Variants in NDUFB6 observed in about 807,000 individuals in gnomAD.
The protein encoded by NDUFB6 is NADH dehydrogenase [ubiquinone] 1 beta subcomplex subunit 6.
In NDUFB6, 23 loss-of-function variants were observed where a neutral mutation model predicts 17.5. The observed-to-expected ratio is 1.31, with a 90% CI of 0.94 to 1.86. The LOEUF (loss-of-function observed/expected upper bound fraction) is 1.86. Ranked by LOEUF, NDUFB6 falls within the 40% of genes most tolerant of loss-of-function variation. NDUFB6 has a pLI of 0.00. For synonymous variants in NDUFB6, 60 were observed against 53.5 expected (o/e 1.12, Z -0.53); for missense variants, 167 against 153.8 (o/e 1.09, Z -0.46).
At chr9:32,560,433 G>A (rs1052963983) in intron 2 of NDUFB6, among the ~76,000 whole-genome samples, 16 of 152,178 alleles carry the variant, frequency 1.1e-4, no homozygotes, top group Non-Finnish European at 2.4e-4. Flanking sequence ...ATATGATAAA[G>A]TAAGTTAAAC....
At chr9:32,568,102 T>C (rs117731167) in intron 2 of NDUFB6, 206 of 167,098 alleles carry the variant, frequency 1.2e-3, no homozygotes, top group Non-Finnish European at 2.5e-3. Context: ...GCAAAGAAAA[T>C]GGAAAATCTT....
intron 1 of NDUFB6, among the ~76,000 whole-genome samples, chr9:32,571,298 G>C (rs923029260): frequency 1.7e-5 from 1 of 60,066 alleles, no homozygotes. Flanking sequence ...ACTATAACAA[G>C]GCATTTATAG....
Position 32,553,424 on chromosome 9 carries a change from C to G in NDUFB6, c.*452G>C. The G allele has an allele frequency of 5.6e-6, 1 of 177,926 alleles. No individual in the cohort carries two copies. Among genetic ancestry groups the G allele is most frequent in the Non-Finnish European group, 1.2e-5 (1 of 83,914 alleles). 11.0% of individuals were successfully genotyped at this position (177,926 alleles called of 1,614,324 possible). On this transcript the variant is annotated 3_prime_UTR_variant, in exon 4 of 4. Coordinates refer to ENST00000379847, the MANE Select transcript of NDUFB6 (RefSeq NM_002493.5). ...CATGATGGTCTCGATCTCCTGACTTCGTGATCTGCCCGCCTCGGCCTCCCA... is the reference window on the plus strand; with the variant it reads ...CATGATGGTCTCGATCTCCTGACTTGGTGATCTGCCCGCCTCGGCCTCCCA...
At chr9:32,566,341 C>A in intron 2 of NDUFB6, 1 of 1,175,598 alleles carries the variant, frequency 8.5e-7, no homozygotes, top group Admixed American at 1.7e-5. Context: ...TTAACTGCTT[C>A]CACCAGTGTA....
chr9:32,557,242 G>A (rs1184319110), intron 3 of NDUFB6, among the ~76,000 whole-genome samples: 2 of 147,146 alleles, frequency 1.4e-5, no homozygotes, highest in Non-Finnish European at 3.0e-5. Context: ...TCCGCACACT[G>A]CAACTTCTGC....
At chr9:32,569,826 G>C (rs778511955) in intron 2 of NDUFB6, among the ~76,000 whole-genome samples, 1 of 150,054 alleles carries the variant, frequency 6.7e-6, no homozygotes, top group East Asian at 1.9e-4. Context: ...CAGCAATAAA[G>C]TATTTTTAAA....
intron 2 of NDUFB6, among the ~76,000 whole-genome samples, chr9:32,562,278 A>C (rs1358808118): frequency 1.3e-5 from 2 of 152,242 alleles, no homozygotes; most frequent in Non-Finnish European, 2.9e-5. Flanking sequence ...TTCTATAGCA[A>C]TAAAGGAAGA....
At chr9:32,558,324 A>G (rs767117967) in intron 3 of NDUFB6, among the ~76,000 whole-genome samples, 4 of 151,754 alleles carry the variant, frequency 2.6e-5, no homozygotes, top group Admixed American at 6.6e-5. Flanking sequence ...TGTTAGCCAG[A>G]ATGGTCTCGA....
In NDUFB6 at chr9:32,553,672, T is replaced by G. The variant is rs1052939303; in HGVS notation, c.*204A>C. ...CCAAGTCAAGAATGACCAGAAAAAG[T>G]AGGTAGTCTCTCATATTTGTTTAGC... On this transcript the variant is annotated 3_prime_UTR_variant, in exon 4 of 4. Transcript: ENST00000379847. The G allele has an allele frequency of 7.7e-6, 4 of 517,006 alleles. No individual in the cohort carries two copies. The highest frequency in any genetic ancestry group is 1.4e-5 in the Non-Finnish European group (4 of 290,562). 32.0% of individuals were successfully genotyped at this position (517,006 alleles called of 1,614,324 possible).
At chr9:32,570,124 T>C (rs10971028) in intron 2 of NDUFB6, among the ~76,000 whole-genome samples, 29,521 of 152,092 alleles carry the variant, frequency 0.19, 3,120 homozygotes, top group Middle Eastern at 0.33. Flanking sequence ...TCTGACATCT[T>C]GCTCTGAGTT....
At chr9:32,566,462 C>G in intron 2 of NDUFB6, 1 of 808,694 alleles carries the variant, frequency 1.2e-6, no homozygotes, top group Non-Finnish European at 2.2e-6. Context: ...GACAAGCAGC[C>G]GTCCATGTCG....
At chr9:32,571,641 A>C (rs1821943249) in intron 1 of NDUFB6, among the ~76,000 whole-genome samples, 1 of 152,250 alleles carries the variant, frequency 6.6e-6, no homozygotes, top group Admixed American at 6.5e-5. Context: ...TGATTAAAAA[A>C]CACCTATCCA....
At chr9:32,567,026 T>C (rs901688139) in intron 2 of NDUFB6, 5 of 499,474 alleles carry the variant, frequency 1.0e-5, no homozygotes, top group Non-Finnish European at 2.0e-5. Flanking sequence ...GAAGCAGAGG[T>C]AGCCCTTGCG....
chr9:32,564,074 A>C (rs1181492048), intron 2 of NDUFB6, among the ~76,000 whole-genome samples: 1 of 152,236 alleles, frequency 6.6e-6, no homozygotes, highest in Non-Finnish European at 1.5e-5. Flanking sequence ...CTAATTACTA[A>C]GGAGTGGCAA....
chr9:32,565,712 C>G (rs981929171), intron 2 of NDUFB6: 17 of 153,662 alleles, frequency 1.1e-4, no homozygotes, highest in African/African-American at 4.1e-4. Flanking sequence ...AGGCCCACGC[C>G]TGTAATCCCA....
In NDUFB6 at chr9:32,553,301, G is replaced by A. The variant is rs1181648991; in HGVS notation, c.*575C>T. On this transcript the variant is annotated 3_prime_UTR_variant, in exon 4 of 4. Coordinates refer to ENST00000379847, the MANE Select transcript of NDUFB6 (RefSeq NM_002493.5). The stretch of plus-strand genomic sequence containing the variant: ...CCTTCTGGGTTCACACCAATCTCGT[G>A]CCTCAGCCTCCGCAGTAGCTGGGAC... The A allele has an allele frequency of 1.1e-5, 2 of 174,530 alleles. No homozygotes were observed. Among genetic ancestry groups the A allele is most frequent in the Non-Finnish European group, 2.4e-5 (2 of 81,838 alleles). 10.8% of individuals were successfully genotyped at this position (174,530 alleles called of 1,614,324 possible).
Position 32,573,136 on chromosome 9 carries a change from T to A in NDUFB6, c.-76A>T. 1 of 1,411,642 alleles carries A rather than the reference T, an allele frequency of 7.1e-7. No individual in the cohort carries two copies. The highest frequency in any genetic ancestry group is 9.3e-7 in the Non-Finnish European group (1 of 1,073,314). The allele number at this position is 1,411,642 out of a possible 1,614,324, so 87.4% of individuals were successfully genotyped here. On this transcript the variant is annotated 5_prime_UTR_variant, in exon 1 of 4. Coordinates refer to ENST00000379847, the MANE Select transcript of NDUFB6 (RefSeq NM_002493.5). ...ACTAGTTACTTAAGCGCGCTCCCGC[T>A]CTGCAAAGCGACCTTGCGGGAACGC...
intron 2 of NDUFB6, chr9:32,566,323 C>T (rs1294348419): frequency 1.4e-5 from 17 of 1,180,704 alleles, no homozygotes; most frequent in African/African-American, 3.0e-5. Flanking sequence ...TCTCTTCCAT[C>T]TTGTTCTTTA....
At chr9:32,572,606 A>T (rs1248347609) in intron 1 of NDUFB6, among the ~76,000 whole-genome samples, 6 of 152,230 alleles carry the variant, frequency 3.9e-5, no homozygotes, top group African/African-American at 1.4e-4. Context: ...TACAGTCAAA[A>T]GAGAACCAAA....
Sources: allele counts gnomAD v4.1 joint callset (sites outside exome capture counted in the v4.1 genomes callset), GRCh38; gene constraint gnomAD v4.1.1; transcripts MANE v1.5; gene names NCBI Gene and HGNC (gene_info 2026-07-23, HGNC 2026-07-21).